Variants in MZT2B observed in about 807,000 individuals in gnomAD.
The protein encoded by MZT2B is mitotic spindle organizing protein 2B, also known as mitotic-spindle organizing protein 2B.
Under a neutral mutation model 12.1 loss-of-function variants are expected in MZT2B, and 11 were observed. The observed-to-expected ratio is 0.91, with a 90% CI of 0.57 to 1.50. The LOEUF is 1.50. MZT2B is among the 40% of genes most tolerant of loss of function. MZT2B has a pLI of 0.00. For missense variants in MZT2B, 209 were observed against 227.7 expected (o/e 0.92, Z 0.53); for synonymous variants, 85 against 109.5 (o/e 0.78, Z 1.40).
intron 2 of MZT2B, chr2:130,184,037 G>C: frequency 1.3e-6 from 2 of 1,550,320 alleles, no homozygotes; most frequent in Non-Finnish European, 1.7e-6. Context: ...CTGGCCCCAG[G>C]AGGCCCAAGC....
intron 2 of MZT2B, among the ~76,000 whole-genome samples, chr2:130,186,166 G>A (rs1366828952): frequency 6.6e-6 from 1 of 152,060 alleles, no homozygotes; most frequent in Non-Finnish European, 1.5e-5. Context: ...TGATCCGGCT[G>A]GGGGGCATGG....
chr2:130,192,724 C>G (rs186448208), downstream of MZT2B, among the ~76,000 whole-genome samples: 374 of 152,282 alleles, frequency 2.5e-3, 3 homozygotes, highest in African/African-American at 8.7e-3. Flanking sequence ...TTTCAGAACT[C>G]GGTAATAACA....
the MZT2B span, among the ~76,000 whole-genome samples, chr2:130,198,093 A>C: frequency 8.1e-6 from 1 of 122,734 alleles, no homozygotes; most frequent in Non-Finnish European, 1.8e-5. Flanking sequence ...AGGCGACGCC[A>C]CTATTTGCTC....
chr2:130,182,918 G>A (rs1689829689), intron 2 of MZT2B, 143 bp downstream of exon 2: 2 of 1,206,288 alleles, frequency 1.7e-6, no homozygotes, highest in South Asian at 1.6e-5. Flanking sequence ...CCCATCCGTG[G>A]GCTCTGCTCC....
chr2:130,191,451 TC>T (rs1690256531), downstream of MZT2B, among the ~76,000 whole-genome samples: 2 of 152,122 alleles, frequency 1.3e-5, no homozygotes, highest in South Asian at 4.1e-4. Flanking sequence ...CACTTCATGC[TC>T]CCTTTTAGCC....
intron 2 of MZT2B, chr2:130,184,124 C>T (rs1224627217): frequency 3.0e-5 from 45 of 1,517,852 alleles, no homozygotes; most frequent in African/African-American, 4.2e-5. Flanking sequence ...ATTTCTGACT[C>T]GGTTTATTAG....
downstream of MZT2B, among the ~76,000 whole-genome samples, chr2:130,191,277 G>A (rs1811500): frequency 0.39 from 59,479 of 152,044 alleles, 11,871 homozygotes; most frequent in Admixed American, 0.47. Flanking sequence ...CCAGGTTACC[G>A]TGGAGCACTG....
chr2:130,181,863 T>TAC, upstream of MZT2B: 1 of 1,438,646 alleles, frequency 7.0e-7, no homozygotes, highest in Non-Finnish European at 9.4e-7. Flanking sequence ...GCCCCCCCCT[T>TAC]CCCCCCGCCC....
intron 2 of MZT2B, chr2:130,183,972 G>A (rs1182796035): frequency 1.3e-5 from 20 of 1,550,372 alleles, no homozygotes; most frequent in South Asian, 2.4e-5. Flanking sequence ...TGCAGGTTGC[G>A]TTTATTGGCT....
downstream of MZT2B, chr2:130,194,480 G>C (rs2463340): frequency 0.33 from 395,411 of 1,182,548 alleles, 103,558 homozygotes; most frequent in East Asian, 0.4. Context: ...AGAGAAACCA[G>C]ACAACGTGAG....
At chr2:130,203,048 C>CTT in the MZT2B span, among the ~76,000 whole-genome samples, 53 of 118,500 alleles carry the variant, frequency 4.5e-4, no homozygotes, top group African/African-American at 7.5e-4. Flanking sequence ...TTTCTTTTTT[C>CTT]TTTTTTTTTT....
At chr2:130,193,216 C>T (rs1558782481), downstream of MZT2B, among the ~76,000 whole-genome samples, 1 of 151,796 alleles carries the variant, frequency 6.6e-6, no homozygotes, top group Non-Finnish European at 1.5e-5. Context: ...GATCACACTA[C>T]TACAGCCTGA....
downstream of MZT2B, chr2:130,192,086 T>C: frequency 1.9e-6 from 3 of 1,606,734 alleles, no homozygotes; most frequent in Non-Finnish European, 2.5e-6. Context: ...TGGCCAGGTC[T>C]CCCCCGGGGA....
In MZT2B at chr2:130,190,643, G is replaced by C; in HGVS notation, c.*17G>C. On this transcript the variant is annotated 3_prime_UTR_variant, in exon 3 of 3. Transcript: ENST00000281871. ...AGCACCTAGGATGGGGCAGAGACTTGTTGCATCTTTGTCCCCAGCAAAGGC... is the reference window on the plus strand; with the variant it reads ...AGCACCTAGGATGGGGCAGAGACTTCTTGCATCTTTGTCCCCAGCAAAGGC... 1.3e-6 allele frequency: 2 copies of C among 1,588,730 alleles called. No homozygotes were observed.
At chr2:130,195,849 T>C in the MZT2B span, among the ~76,000 whole-genome samples, 4 of 152,236 alleles carry the variant, frequency 2.6e-5, no homozygotes, top group Admixed American at 1.3e-4. Context: ...CCAATGCCAC[T>C]GCACCCTGCA....
chr2:130,194,879 T>C (rs1289146617), downstream of MZT2B, among the ~76,000 whole-genome samples: 3 of 152,172 alleles, frequency 2.0e-5, no homozygotes, highest in Non-Finnish European at 2.9e-5. Flanking sequence ...AGTTTCACCA[T>C]GTAGGCCAGG....
chr2:130,187,044 C>G (rs1390804133), intron 2 of MZT2B, among the ~76,000 whole-genome samples: 1 of 146,508 alleles, frequency 6.8e-6, no homozygotes, highest in African/African-American at 2.6e-5. Context: ...TAGCAAGACC[C>G]CACCCATTTC....
chr2:130,185,754 C>A (rs1232575478), intron 2 of MZT2B, among the ~76,000 whole-genome samples: 1 of 134,282 alleles, frequency 7.4e-6, no homozygotes, highest in African/African-American at 2.9e-5. Context: ...CATAGAGGGG[C>A]CAGGAGGATT....
the MZT2B span, among the ~76,000 whole-genome samples, chr2:130,201,572 A>G: frequency 1.3e-5 from 2 of 152,112 alleles, no homozygotes; most frequent in African/African-American, 2.4e-5. Context: ...TTAGAGCTTC[A>G]GCGTCTAATA....
Sources: gnomAD v4.1 joint callset for allele counts (sites outside exome capture counted in the v4.1 genomes callset) on GRCh38, gnomAD v4.1.1 for gene constraint, MANE v1.5 for transcripts, NCBI Gene and HGNC (gene_info 2026-07-23, HGNC 2026-07-21) for gene names.